The following PDE4D variants were observed in gnomAD, a reference collection of about 807,000 sequenced individuals.
PDE4D encodes the protein phosphodiesterase 4D.
In PDE4D, 24 loss-of-function variants were observed where a neutral mutation model predicts 87.4. The ratio of observed to expected loss-of-function variants is 0.27; its 90% CI spans 0.20 to 0.39. The LOEUF (loss-of-function observed/expected upper bound fraction) is 0.39, where lower values mean the gene tolerates loss of function less well. Among genes scored for constraint, PDE4D ranks in the 10% least tolerant of loss-of-function variants. The probability of loss-of-function intolerance (pLI) is 1.00; values close to 1 mark genes in which losing one functional copy is unlikely to be tolerated. For synonymous variants in PDE4D, 384 were observed against 383.2 expected, an observed-to-expected ratio of 1.00 and a Z score of -0.02; for missense variants, 714 against 1,041.0, an observed-to-expected ratio of 0.69 and a Z score of 4.32.
chr5:59,619,212 A>G (rs1830066463), intron 1 of PDE4D, among the ~76,000 whole-genome samples: 1 of 151,830 alleles, frequency 6.6e-6, no homozygotes, highest in African/African-American at 2.4e-5. Flanking sequence ...TTCAGACTGA[A>G]ATATGGGGGA....
intron 1 of PDE4D, among the ~76,000 whole-genome samples, chr5:60,487,407 T>C (rs1044908245): frequency 6.6e-6 from 1 of 152,238 alleles, no homozygotes; most frequent in Non-Finnish European, 1.5e-5. Context: ...AATGTTTTAG[T>C]TATTCATAGT....
chr5:59,598,516 T>G (rs959826341), intron 1 of PDE4D, among the ~76,000 whole-genome samples: 1 of 152,132 alleles, frequency 6.6e-6, no homozygotes, highest in Non-Finnish European at 1.5e-5. Flanking sequence ...AATGCACTTT[T>G]CTCCTCGTCT....
intron 1 of PDE4D, among the ~76,000 whole-genome samples, chr5:60,269,521 A>G (rs999937834): frequency 6.6e-6 from 1 of 152,212 alleles, no homozygotes; most frequent in African/African-American, 2.4e-5. Flanking sequence ...ATTATAAACA[A>G]TGCTGCTGTG....
intron 2 of PDE4D, among the ~76,000 whole-genome samples, chr5:60,068,237 T>TC (rs1772321884): frequency 6.6e-6 from 1 of 152,216 alleles, no homozygotes; most frequent in African/African-American, 2.4e-5. Flanking sequence ...TGCTATTTTC[T>TC]GTTTTTTTTA....
At chr5:60,074,967 C>T (rs1008583283) in intron 2 of PDE4D, among the ~76,000 whole-genome samples, 3 of 152,268 alleles carry the variant, frequency 2.0e-5, no homozygotes, top group Middle Eastern at 6.8e-3. Context: ...GCTTGCCACT[C>T]TGTGCCTTTT....
At chr5:59,344,118 A>C (rs1400599071) in intron 1 of PDE4D, among the ~76,000 whole-genome samples, 1 of 152,222 alleles carries the variant, frequency 6.6e-6, no homozygotes, top group African/African-American at 2.4e-5. Flanking sequence ...CCTTCATACA[A>C]GATACTAAAC....
At chr5:60,136,084 T>C (rs1163163498) in intron 2 of PDE4D, among the ~76,000 whole-genome samples, 2 of 152,166 alleles carry the variant, frequency 1.3e-5, no homozygotes, top group African/African-American at 4.8e-5. Flanking sequence ...GTCTGAGCAA[T>C]AATATTTCAA....
chr5:60,387,660 C>A (rs1194861494), intron 1 of PDE4D, among the ~76,000 whole-genome samples: 1 of 152,160 alleles, frequency 6.6e-6, no homozygotes. Flanking sequence ...AAGGTCTGGG[C>A]TTCTGTGTCA....
chr5:59,775,674 A>T (rs1203464040), intron 1 of PDE4D, among the ~76,000 whole-genome samples: 1 of 152,186 alleles, frequency 6.6e-6, no homozygotes, highest in Non-Finnish European at 1.5e-5. Flanking sequence ...CCTTGTGCAT[A>T]ATGAAATTGA....
At chr5:59,631,961 C>T (rs1225601935) in intron 1 of PDE4D, among the ~76,000 whole-genome samples, 17 of 152,194 alleles carry the variant, frequency 1.1e-4, no homozygotes, top group Admixed American at 1.1e-3. Flanking sequence ...GAATCCCACA[C>T]TGACAGAGCC....
chr5:60,483,855 A>G (rs1173795398), intron 1 of PDE4D, among the ~76,000 whole-genome samples: 1 of 152,198 alleles, frequency 6.6e-6, no homozygotes, highest in Non-Finnish European at 1.5e-5. Context: ...CTATCTTTTA[A>G]AAAGGGTTCA....
intron 1 of PDE4D, among the ~76,000 whole-genome samples, chr5:59,491,027 C>T (rs1339518984): frequency 1.3e-5 from 2 of 152,164 alleles, no homozygotes; most frequent in Non-Finnish European, 2.9e-5. Context: ...CCTACCTTTC[C>T]TCAGCTTGAA....
chr5:60,233,760 T>C, intron 1 of PDE4D, among the ~76,000 whole-genome samples: 1 of 151,764 alleles, frequency 6.6e-6, no homozygotes, highest in East Asian at 1.9e-4. Flanking sequence ...ATGTTAAAGA[T>C]GACACCATGA....
intron 1 of PDE4D, among the ~76,000 whole-genome samples, chr5:60,218,056 A>G (rs572928396): frequency 4.4e-4 from 67 of 152,184 alleles, no homozygotes; most frequent in Non-Finnish European, 7.7e-4. Flanking sequence ...TATGTCAACT[A>G]AAAAATGAAT....
At chr5:60,196,672 T>A (rs899529675) in intron 1 of PDE4D, among the ~76,000 whole-genome samples, 3 of 151,554 alleles carry the variant, frequency 2.0e-5, no homozygotes, top group African/African-American at 7.3e-5. Context: ...CAGGATAAAA[T>A]TCCCTGAGTC....
At chr5:59,386,379 A>AT in intron 1 of PDE4D, among the ~76,000 whole-genome samples, 1 of 152,190 alleles carries the variant, frequency 6.6e-6, no homozygotes, top group East Asian at 1.9e-4. Flanking sequence ...TAAAGAAAAT[A>AT]TTTCTTTTTA....
At chr5:58,997,101 C>A (rs4699931) in intron 6 of PDE4D, among the ~76,000 whole-genome samples, 124,018 of 152,092 alleles carry the variant, frequency 0.82, 50,783 homozygotes, top group East Asian at 0.89. Flanking sequence ...GGAAGACGGT[C>A]TAAGGAATTT....
intron 1 of PDE4D, among the ~76,000 whole-genome samples, chr5:60,326,603 A>G (rs759767477): frequency 3.3e-5 from 5 of 151,970 alleles, no homozygotes; most frequent in Non-Finnish European, 7.4e-5. Flanking sequence ...CATCAGGTAC[A>G]TAATGTTTCT....
intron 1 of PDE4D, among the ~76,000 whole-genome samples, chr5:60,187,611 G>T (rs1784883484): frequency 6.6e-6 from 1 of 152,066 alleles, no homozygotes; most frequent in African/African-American, 2.4e-5. Context: ...AATTAACCAG[G>T]TTTTTAAAAA....
Sources: gnomAD v4.1 joint callset for allele counts (sites outside exome capture counted in the v4.1 genomes callset) on GRCh38, gnomAD v4.1.1 for gene constraint, MANE v1.5 for transcripts, NCBI Gene and HGNC (gene_info 2026-07-23, HGNC 2026-07-21) for gene names.